Variants in PABPC4L observed in about 807,000 individuals in gnomAD.
PABPC4L encodes the protein poly(A) binding protein cytoplasmic 4 like.
For synonymous variants in PABPC4L, 169 were observed against 164.1 expected (o/e 1.03, Z -0.23); for missense variants, 452 against 451.4 (o/e 1.00, Z -0.01).
the PABPC4L span, among the ~76,000 whole-genome samples, chr4:134,099,806 C>G: frequency 6.6e-6 from 1 of 151,608 alleles, no homozygotes; most frequent in African/African-American, 2.4e-5. Flanking sequence ...ACCCTCCACA[C>G]GAAACCGTAA....
chr4:133,981,442 T>C, the PABPC4L span, among the ~76,000 whole-genome samples: 26 of 152,120 alleles, frequency 1.7e-4, no homozygotes, highest in Non-Finnish European at 2.1e-4. Context: ...ACAATTCTAT[T>C]GAAAAAAATA....
chr4:133,959,178 A>C, the PABPC4L span, among the ~76,000 whole-genome samples: 1 of 152,294 alleles, frequency 6.6e-6, no homozygotes, highest in South Asian at 2.1e-4. Context: ...GTATCACTGT[A>C]TGCCAGAAAA....
chr4:133,981,671 A>C, the PABPC4L span, among the ~76,000 whole-genome samples: 1 of 152,154 alleles, frequency 6.6e-6, no homozygotes, highest in South Asian at 2.1e-4. Context: ...AAAAATACTT[A>C]ATTATAGAGG....
chr4:133,966,401 TC>T, the PABPC4L span, among the ~76,000 whole-genome samples: 1 of 152,186 alleles, frequency 6.6e-6, no homozygotes, highest in Admixed American at 6.5e-5. Flanking sequence ...GTGTGGAGAT[TC>T]CTTAAAGAAC....
At chr4:134,026,617 G>T in the PABPC4L span, among the ~76,000 whole-genome samples, 3 of 152,114 alleles carry the variant, frequency 2.0e-5, no homozygotes, top group Admixed American at 6.6e-5. Flanking sequence ...GGGTTGAATT[G>T]TGTCCCCCCC....
At chr4:134,201,340 G>A (rs1034155480) in intron 1 of PABPC4L, 95 bp from the exon 2 acceptor site, 16 of 1,256,030 alleles carry the variant, frequency 1.3e-5, no homozygotes, top group Middle Eastern at 6.4e-4. Flanking sequence ...CTCCATCTGA[G>A]CATTCTCCAC....
chr4:134,017,011 C>T, the PABPC4L span, among the ~76,000 whole-genome samples: 13 of 152,156 alleles, frequency 8.5e-5, no homozygotes, highest in Admixed American at 7.2e-4. Context: ...AAGGCCACCG[C>T]GGTCATTTCT....
the PABPC4L span, among the ~76,000 whole-genome samples, chr4:134,040,256 C>T: frequency 6.7e-6 from 1 of 148,922 alleles, no homozygotes; most frequent in Non-Finnish European, 1.5e-5. Context: ...CAAAAAAGAG[C>T]CCACATAGCC....
the PABPC4L span, among the ~76,000 whole-genome samples, chr4:133,997,452 T>C: frequency 2.2e-3 from 334 of 152,064 alleles, no homozygotes; most frequent in Non-Finnish European, 3.7e-3. Flanking sequence ...ACATCCATTC[T>C]GCAAATCATG....
chr4:134,166,379 A>G, the PABPC4L span, among the ~76,000 whole-genome samples: 1 of 152,226 alleles, frequency 6.6e-6, no homozygotes, highest in African/African-American at 2.4e-5. Context: ...AAAAGAAAAT[A>G]GTTATCTGCT....
chr4:134,179,952 A>G, the PABPC4L span, among the ~76,000 whole-genome samples: 1 of 151,886 alleles, frequency 6.6e-6, no homozygotes, highest in African/African-American at 2.4e-5. Context: ...ACTTTAACAC[A>G]TTATTGACAG....
the PABPC4L span, among the ~76,000 whole-genome samples, chr4:134,131,791 C>T: frequency 1.5e-5 from 2 of 135,422 alleles, no homozygotes; most frequent in South Asian, 4.8e-4. Flanking sequence ...ATTCTGGAGG[C>T]ATTATATTAC....
At chr4:133,997,847 T>C in the PABPC4L span, among the ~76,000 whole-genome samples, 2 of 152,190 alleles carry the variant, frequency 1.3e-5, no homozygotes, top group Non-Finnish European at 2.9e-5. Context: ...TCACTTGAGC[T>C]ATGTAATTAA....
Position 134,200,968 on chromosome 4 carries a change from G to A in PABPC4L, c.52C>T (p.His18Tyr). The change falls in exon 2 of 2, where the codon CAT becomes TAT. Residue 18 changes from histidine (H) to tyrosine (Y), a missense_variant. By Grantham distance (83) the His-to-Tyr change is moderately conservative. Coordinates refer to ENST00000421491, the MANE Select transcript of PABPC4L (RefSeq NM_001114734.2). ...RMASLYVGDLHADVTEDLLFR... is the reference protein window; with the variant it reads ...RMASLYVGDLYADVTEDLLFR... ...AGCAGGTCCTCGGTGACATCTGCAT[G>A]TAAGTCACCCACATACAGGGAGGCC... 1.3e-6 allele frequency: 2 copies of A among 1,553,918 alleles called. No individual in the cohort carries two copies. The highest frequency in any genetic ancestry group is 8.7e-7 in the Non-Finnish European group (1 of 1,148,262).
At chr4:133,988,519 C>T in the PABPC4L span, among the ~76,000 whole-genome samples, 1 of 152,162 alleles carries the variant, frequency 6.6e-6, no homozygotes, top group Non-Finnish European at 1.5e-5. Flanking sequence ...CTCCTTTAAC[C>T]CCATGTCTCA....
the PABPC4L span, among the ~76,000 whole-genome samples, chr4:134,184,837 A>C: frequency 3.3e-5 from 5 of 152,028 alleles, no homozygotes; most frequent in African/African-American, 1.2e-4. Flanking sequence ...ATTGTTATAC[A>C]TCCCTTTTGG....
At chr4:134,148,630 T>A in the PABPC4L span, among the ~76,000 whole-genome samples, 3 of 152,070 alleles carry the variant, frequency 2.0e-5, no homozygotes, top group African/African-American at 7.2e-5. Flanking sequence ...CAATTGCCAT[T>A]TAAGATTTTG....
chr4:134,008,351 A>T, the PABPC4L span, among the ~76,000 whole-genome samples: 1,569 of 151,924 alleles, frequency 0.01, 22 homozygotes, highest in African/African-American at 0.036. Context: ...TGGATTATAG[A>T]TGTCTTGCCA....
the PABPC4L span, among the ~76,000 whole-genome samples, chr4:134,036,222 A>G: frequency 2.0e-5 from 3 of 152,086 alleles, no homozygotes; most frequent in Non-Finnish European, 4.4e-5. Context: ...ATAGTATACA[A>G]TTTTATATCA....
Sources: allele counts gnomAD v4.1 joint callset (sites outside exome capture counted in the v4.1 genomes callset), GRCh38; gene constraint gnomAD v4.1.1; transcripts MANE v1.5; gene names NCBI Gene and HGNC (gene_info 2026-07-23, HGNC 2026-07-21).